Variants in DIAPH3 observed in about 807,000 individuals in gnomAD.
The protein encoded by DIAPH3 is protein diaphanous homolog 3.
A neutral mutation model predicts 144.3 loss-of-function variants in DIAPH3; 117 were observed. The ratio of observed to expected loss-of-function variants is 0.81; its 90% CI spans 0.70 to 0.95. The LOEUF is 0.95. Ranked by LOEUF, DIAPH3 falls within the 40% of genes least tolerant of loss-of-function variation. DIAPH3 has a pLI of 0.00. For missense variants in DIAPH3, 1,421 were observed against 1,412.7 expected (o/e 1.01, Z -0.09); for synonymous variants, 519 against 488.9 (o/e 1.06, Z -0.81).
At chr13:59,916,532 T>C (rs2047232515) in intron 18 of DIAPH3, among the ~76,000 whole-genome samples, 1 of 152,116 alleles carries the variant, frequency 6.6e-6, no homozygotes, top group Non-Finnish European at 1.5e-5. Context: ...AGGAATGATG[T>C]CAATTTTCAT....
chr13:59,822,805 CCTT>C (rs1443582346), intron 24 of DIAPH3, among the ~76,000 whole-genome samples: 2 of 152,156 alleles, frequency 1.3e-5, no homozygotes, highest in Admixed American at 6.5e-5. Context: ...TGTATCCTCT[CCTT>C]CTATCTCTCT....
chr13:60,023,527 G>A (rs1339894005), intron 5 of DIAPH3, among the ~76,000 whole-genome samples: 2 of 151,690 alleles, frequency 1.3e-5, no homozygotes, highest in East Asian at 1.9e-4. Context: ...TCTGCCTCCT[G>A]GATTCAAGCA....
intron 27 of DIAPH3, among the ~76,000 whole-genome samples, chr13:59,684,643 G>A (rs980140870): frequency 6.6e-6 from 1 of 152,148 alleles, no homozygotes; most frequent in African/African-American, 2.4e-5. Context: ...AAGTGGCTGG[G>A]TTTGGGCCTC....
chr13:60,145,586 T>G (rs748866711), intron 1 of DIAPH3, among the ~76,000 whole-genome samples: 13 of 152,210 alleles, frequency 8.5e-5, no homozygotes, highest in Non-Finnish European at 1.8e-4. Context: ...GAGGCGGAGC[T>G]TGCAGTGAGC....
intron 17 of DIAPH3, among the ~76,000 whole-genome samples, chr13:59,944,486 A>G (rs2048701135): frequency 6.6e-6 from 1 of 152,160 alleles, no homozygotes; most frequent in Non-Finnish European, 1.5e-5. Flanking sequence ...TGACTAAAAT[A>G]TAGATGAATC....
chr13:59,817,930 G>A (rs1395659681), intron 24 of DIAPH3, among the ~76,000 whole-genome samples: 1 of 151,836 alleles, frequency 6.6e-6, no homozygotes, highest in Non-Finnish European at 1.5e-5. Flanking sequence ...ATAAATTTAT[G>A]TAACATTGTT....
chr13:59,948,469 G>A (rs939465185), intron 17 of DIAPH3, among the ~76,000 whole-genome samples: 7 of 152,106 alleles, frequency 4.6e-5, no homozygotes, highest in African/African-American at 9.7e-5. Context: ...GTTGTTTTTA[G>A]AGATGGGGTC....
intron 25 of DIAPH3, among the ~76,000 whole-genome samples, chr13:59,775,821 T>C (rs1015576650): frequency 6.6e-6 from 1 of 152,192 alleles, no homozygotes; most frequent in Non-Finnish European, 1.5e-5. Flanking sequence ...TTTAAATTGA[T>C]ATCCTGTATA....
intron 1 of DIAPH3, among the ~76,000 whole-genome samples, chr13:60,137,396 C>T (rs751145573): frequency 7.2e-5 from 11 of 152,146 alleles, no homozygotes; most frequent in Non-Finnish European, 1.3e-4. Context: ...TATCAAGAGG[C>T]ATGTGAAATA....
chr13:60,142,086 G>A (rs1467999977), intron 1 of DIAPH3, among the ~76,000 whole-genome samples: 1 of 152,034 alleles, frequency 6.6e-6, no homozygotes, highest in East Asian at 1.9e-4. Context: ...GGAAGGAGGA[G>A]GCAGATCAGT....
chr13:59,767,667 A>AACAC (rs1417867358), intron 27 of DIAPH3, among the ~76,000 whole-genome samples: 2 of 152,146 alleles, frequency 1.3e-5, no homozygotes, highest in Non-Finnish European at 2.9e-5. Context: ...TCCACTATGG[A>AACAC]ACACAAGCAG....
At chr13:59,953,922 G>GA (rs1366903728) in intron 17 of DIAPH3, among the ~76,000 whole-genome samples, 1 of 152,178 alleles carries the variant, frequency 6.6e-6, no homozygotes, top group Admixed American at 6.5e-5. Flanking sequence ...GGTATTTGAA[G>GA]AAAGTATGTA....
intron 17 of DIAPH3, among the ~76,000 whole-genome samples, chr13:59,967,580 A>C (rs1843186738): frequency 6.6e-6 from 1 of 152,092 alleles, no homozygotes; most frequent in Non-Finnish European, 1.5e-5. Context: ...CTTTCCTATT[A>C]AATGTCTATA....
intron 27 of DIAPH3, among the ~76,000 whole-genome samples, chr13:59,733,275 G>A (rs2035976127): frequency 6.6e-6 from 1 of 152,118 alleles, no homozygotes; most frequent in Admixed American, 6.6e-5. Flanking sequence ...GTTCACTATT[G>A]AGTAAAACTT....
chr13:60,031,653 C>T (rs1418725362), intron 5 of DIAPH3, among the ~76,000 whole-genome samples: 1 of 149,300 alleles, frequency 6.7e-6, no homozygotes, highest in East Asian at 2.0e-4. Context: ...CATTCCCATT[C>T]CAAATGGGAG....
chr13:59,920,614 T>C (rs2047461434), intron 18 of DIAPH3, among the ~76,000 whole-genome samples: 1 of 151,662 alleles, frequency 6.6e-6, no homozygotes, highest in Admixed American at 6.6e-5. Context: ...AAAATAGATC[T>C]ACAGGGAGAC....
intron 2 of DIAPH3, among the ~76,000 whole-genome samples, chr13:60,125,706 A>G (rs2058974372): frequency 6.6e-6 from 1 of 152,148 alleles, no homozygotes. Context: ...TGACCTATAT[A>G]AAACAGTTGC....
Position 59,792,934 on chromosome 13 carries a change from TTGGATTCTTAATGC to T in DIAPH3, c.3163+17840_3163+17853del, listed in dbSNP as rs1482303596. ...TACATATGTGCAACTGCTACCTCAA[TTGGATTCTTAATGC>T]TATTCAGCACTCCTCTGTGTTTCAT... On this transcript the variant is annotated intron_variant, in intron 25 of 27. Transcript: ENST00000400324. 2.0e-5 allele frequency among the ~76,000 whole-genome samples: 3 copies of T among 152,264 alleles called. No homozygotes were observed. The East Asian group carries it at 5.8e-4, about 29-fold the overall frequency.
chr13:59,916,869 G>C (rs746308073), intron 18 of DIAPH3, among the ~76,000 whole-genome samples: 7 of 152,010 alleles, frequency 4.6e-5, no homozygotes, highest in Non-Finnish European at 7.4e-5. Context: ...AAATGTACTA[G>C]ATAGTATAAT....
Sources: gnomAD v4.1 joint callset for allele counts (sites outside exome capture counted in the v4.1 genomes callset) on GRCh38, gnomAD v4.1.1 for gene constraint, MANE v1.5 for transcripts, NCBI Gene and HGNC (gene_info 2026-07-23, HGNC 2026-07-21) for gene names.